Variants in NCOR1 observed in about 807,000 individuals in gnomAD.
The protein encoded by NCOR1 is protein phosphatase 1, regulatory subunit 109.
NCOR1 carries 63 observed loss-of-function variants against 288.1 expected under a neutral mutation model. The observed-to-expected ratio is 0.22, with a 90% confidence interval of 0.18 to 0.27. NCOR1 has a LOEUF of 0.27. Among genes scored for constraint, NCOR1 ranks in the 10% least tolerant of loss-of-function variants. The probability of loss-of-function intolerance (pLI) is 1.00; values close to 1 mark genes in which losing one functional copy is unlikely to be tolerated. For missense variants in NCOR1, 2,397 were observed against 3,019.2 expected (o/e 0.79, Z 4.83); for synonymous variants, 1,007 against 1,065.9 (o/e 0.94, Z 1.08).
At chr17:16,094,946 C>T (rs930456860) in intron 21 of NCOR1, among the ~76,000 whole-genome samples, 1 of 152,316 alleles carries the variant, frequency 6.6e-6, no homozygotes, top group African/African-American at 2.4e-5. Flanking sequence ...CTGCCTTGGC[C>T]CCCCAAAGTG....
intron 3 of NCOR1, among the ~76,000 whole-genome samples, chr17:16,185,904 T>G (rs935436724): frequency 2.6e-5 from 4 of 151,588 alleles, no homozygotes; most frequent in Non-Finnish European, 2.9e-5. Flanking sequence ...GCCACTGCAC[T>G]CCAGCCTGGG....
Position 16,086,293 on chromosome 17 carries a change from A to G in NCOR1, c.3166T>C (p.Ser1056Pro). The G allele has an allele frequency of 6.2e-7, 1 of 1,613,804 alleles. No homozygotes were observed. The change falls in exon 23 of 46, where the codon TCC becomes CCC. Residue 1056 changes from serine to proline, a missense_variant. Around this residue, in one of 11 missense-constraint regions of NCOR1, gnomAD observed 1,872 missense variants for 2,187.8 expected, o/e 0.86. Transcript: ENST00000268712. ...SEKPSFIMGGSISQGTPGTYL... is the reference protein window; with the variant it reads ...SEKPSFIMGGPISQGTPGTYL... ...AGAAGTCGTTTCACCTGTGAGATGGAGCCTCCCATTATAAAAGATGGTTTT... is the reference window on the plus strand; with the variant it reads ...AGAAGTCGTTTCACCTGTGAGATGGGGCCTCCCATTATAAAAGATGGTTTT...
At position 16,029,876 on chromosome 17, in the gene NCOR1, A is replaced by G. The variant is rs2151706895; in HGVS notation, c.*2420T>C. ...GAGGATGGAGGGAGTGGTTCACAGC[A>G]CCTCACCTTCGGGTCCTCAGGTAGA... On this transcript the variant is annotated 3_prime_UTR_variant, in exon 46 of 46. Transcript: ENST00000268712. 6.5e-6 allele frequency: 1 copy of G among 153,126 alleles called. No homozygotes were observed. Among genetic ancestry groups the G allele is most frequent in the Admixed American group, 6.5e-5 (1 of 15,314 alleles). The allele number at this position is 153,126 out of a possible 1,614,324, so 9.5% of individuals were successfully genotyped here. A position where few individuals can be genotyped will look rare whatever the true frequency, so the allele number is the denominator to read the frequency against.
intron 2 of NCOR1, 122 bp from the exon 3 acceptor site, chr17:16,186,809 C>T: frequency 2.5e-6 from 2 of 800,486 alleles, no homozygotes; most frequent in Non-Finnish European, 4.0e-6. Flanking sequence ...ATGACTATTT[C>T]AATCCTTCAT....
chr17:16,073,599 G>A (rs753774284), intron 27 of NCOR1, 30 bp from the exon 28 acceptor site: 2 of 1,558,148 alleles, frequency 1.3e-6, no homozygotes, highest in Non-Finnish European at 1.7e-6. Flanking sequence ...GACTTGCTCA[G>A]ACGGAGCACA....
At chr17:16,127,341 GTA>G (rs1413329289) in intron 14 of NCOR1, among the ~76,000 whole-genome samples, 2,249 of 40,720 alleles carry the variant, frequency 0.055, 718 homozygotes, top group African/African-American at 0.18. Context: ...ATATATACAT[GTA>G]TGTATATATG....
intron 14 of NCOR1, among the ~76,000 whole-genome samples, chr17:16,130,784 A>C (rs2075479505): frequency 6.6e-6 from 1 of 151,932 alleles, no homozygotes; most frequent in South Asian, 2.1e-4. Context: ...CCCAGGCTCA[A>C]GCGATCCTCC....
intron 3 of NCOR1, among the ~76,000 whole-genome samples, chr17:16,179,375 G>A (rs1197059331): frequency 1.3e-5 from 2 of 152,072 alleles, no homozygotes; most frequent in African/African-American, 2.4e-5. Flanking sequence ...TAGAGGAAAT[G>A]GATAAATTCC....
At chr17:16,149,292 C>CTCATATAT (rs71299857) in intron 9 of NCOR1, among the ~76,000 whole-genome samples, 159 bp downstream of exon 9, 4 of 137,962 alleles carry the variant, frequency 2.9e-5, no homozygotes, top group Non-Finnish European at 6.2e-5. Context: ...AGATTTAAGT[C>CTCATATAT]ATATATATAT....
At chr17:16,127,707 G>GTGTA (rs1568210774) in intron 14 of NCOR1, among the ~76,000 whole-genome samples, 3 of 127,572 alleles carry the variant, frequency 2.4e-5, no homozygotes, top group Non-Finnish European at 3.3e-5. Flanking sequence ...ATGTATATAT[G>GTGTA]TGTGTGTATA....
intron 15 of NCOR1, among the ~76,000 whole-genome samples, chr17:16,124,095 G>A (rs2073544188): frequency 6.6e-6 from 1 of 152,100 alleles, no homozygotes; most frequent in Non-Finnish European, 1.5e-5. Context: ...TCCCTTAGAG[G>A]TATCTTCCTC....
At chr17:16,185,203 T>C (rs538463251) in intron 3 of NCOR1, among the ~76,000 whole-genome samples, 1 of 152,210 alleles carries the variant, frequency 6.6e-6, no homozygotes, top group Non-Finnish European at 1.5e-5. Context: ...GTGCTGTATC[T>C]GGGATTCATG....
chr17:16,094,801 G>A (rs930550608), intron 21 of NCOR1, among the ~76,000 whole-genome samples: 4 of 152,158 alleles, frequency 2.6e-5, no homozygotes, highest in Non-Finnish European at 4.4e-5. Context: ...TCCTAACCGC[G>A]AGTGATCCAC....
chr17:16,032,488 C>T lies in NCOR1; in HGVS notation c.7136-5G>A. ...TATAAGGAAACTGAGTTGAGCCTGACAAAAGAAAAATTAGGTTTTCATTGT... is the reference window on the plus strand; with the variant it reads ...TATAAGGAAACTGAGTTGAGCCTGATAAAAGAAAAATTAGGTTTTCATTGT... On this transcript the variant is annotated splice_region_variant and splice_polypyrimidine_tract_variant and intron_variant, in intron 45 of 45. Coordinates refer to ENST00000268712, the MANE Select transcript of NCOR1 (RefSeq NM_006311.4). 6.4e-7 allele frequency: 1 copy of T among 1,555,884 alleles called. No individual in the cohort carries two copies. Among genetic ancestry groups the T allele is most frequent in the Non-Finnish European group, 8.7e-7 (1 of 1,155,412 alleles).
chr17:16,175,472 C>T (rs980470086), intron 3 of NCOR1, among the ~76,000 whole-genome samples: 1 of 151,900 alleles, frequency 6.6e-6, no homozygotes, highest in African/African-American at 2.4e-5. Flanking sequence ...ATCTTTAAAA[C>T]AAATTAAAAT....
intron 26 of NCOR1, among the ~76,000 whole-genome samples, chr17:16,079,494 C>G (rs1181559057): frequency 6.6e-6 from 1 of 152,094 alleles, no homozygotes; most frequent in Non-Finnish European, 1.5e-5. Context: ...GTATTTAGCC[C>G]AAAATTGGAA....
At chr17:16,161,222 CACACACAG>C (rs2080779460) in intron 5 of NCOR1, among the ~76,000 whole-genome samples, 1 of 95,298 alleles carries the variant, frequency 1.0e-5, no homozygotes, top group African/African-American at 4.4e-5. Flanking sequence ...TAAAAGCAAA[CACACACAG>C]ACACACACAC....
In NCOR1 at chr17:16,117,513, A is replaced by AG. The variant is rs1491066690; in HGVS notation, c.2055+374dup. On this transcript the variant is annotated intron_variant, in intron 18 of 45. Coordinates refer to ENST00000268712, the MANE Select transcript of NCOR1 (RefSeq NM_006311.4). ...CTCTTAAAACCAATCTCTGGAGCTCAGAAAAAAAAAAAAAAAAAAAACATC... is the reference window on the plus strand; with the variant it reads ...CTCTTAAAACCAATCTCTGGAGCTCAGGAAAAAAAAAAAAAAAAAAAACATC... Among the ~76,000 whole-genome samples, 16 of 109,648 alleles carry AG rather than the reference A, an allele frequency of 1.5e-4. 1 individual carries two copies. The highest frequency in any genetic ancestry group is 5.0e-4 in the African/African-American group (14 of 28,216). 71.9% of individuals were successfully genotyped at this position (109,648 alleles called of 152,430 possible). A position where few individuals can be genotyped will look rare whatever the true frequency, so the allele number is the denominator to read the frequency against.
chr17:16,049,045 T>G, intron 40 of NCOR1, 57 bp from the exon 41 acceptor site: 1 of 1,470,154 alleles, frequency 6.8e-7, no homozygotes, highest in Non-Finnish European at 9.1e-7. Flanking sequence ...GGGACTTACC[T>G]AAACAGAAAC....
Sources: gnomAD v4.1 joint callset for allele counts (sites outside exome capture counted in the v4.1 genomes callset) on GRCh38, gnomAD v4.1.1 for gene constraint, gnomAD v4.1.1 regional missense constraint, MANE v1.5 for transcripts, NCBI Gene and HGNC (gene_info 2026-07-23, HGNC 2026-07-21) for gene names.